Variants in PLEKHA8 observed in about 807,000 individuals in gnomAD.
PLEKHA8 encodes pleckstrin homology domain-containing family A member 8.
In PLEKHA8, 36 loss-of-function variants were observed where a neutral mutation model predicts 68.2. That is an observed-to-expected ratio of 0.53 (90% CI 0.40 to 0.70). The LOEUF is 0.70. Among genes scored for constraint, PLEKHA8 ranks in the 30% least tolerant of loss-of-function variants. The pLI, the probability that PLEKHA8 is intolerant of heterozygous loss-of-function variation, is 0.00. For synonymous variants in PLEKHA8, 211 were observed against 216.1 expected, an observed-to-expected ratio of 0.98 and a Z score of 0.20; for missense variants, 505 against 615.4, an observed-to-expected ratio of 0.82 and a Z score of 1.90.
chr7:30,029,271 C>T (rs1024375555), intron 1 of PLEKHA8, among the ~76,000 whole-genome samples: 2 of 152,206 alleles, frequency 1.3e-5, no homozygotes, highest in African/African-American at 4.8e-5. Context: ...CAAACACTTT[C>T]CCTTTGTCAC....
chr7:30,055,703 T>A (rs1039972693), intron 9 of PLEKHA8, among the ~76,000 whole-genome samples: 3 of 152,194 alleles, frequency 2.0e-5, no homozygotes, highest in African/African-American at 7.2e-5. Context: ...TCTTGCTTTG[T>A]TGCCCAGGCT....
chr7:30,084,722 A>G, downstream of PLEKHA8: 2 of 772,404 alleles, frequency 2.6e-6, no homozygotes, highest in Non-Finnish European at 3.1e-6. Flanking sequence ...CGTTTATGGA[A>G]CACACATGAC....
chr7:30,043,671 A>G (rs1791718708), intron 1 of PLEKHA8, among the ~76,000 whole-genome samples: 3 of 151,874 alleles, frequency 2.0e-5, no homozygotes, highest in African/African-American at 7.3e-5. Context: ...TACCTACCCA[A>G]CTCCTTCACA....
intron 2 of PLEKHA8, 71 bp downstream of exon 2, chr7:30,045,272 C>T (rs562072685): frequency 9.3e-7 from 1 of 1,074,282 alleles, no homozygotes; most frequent in African/African-American, 1.6e-5. Context: ...AAGCCCCTGG[C>T]CCCTGCATAC....
chr7:30,054,961 G>A, intron 8 of PLEKHA8, 96 bp downstream of exon 8: 1 of 1,228,064 alleles, frequency 8.1e-7, no homozygotes, highest in Non-Finnish European at 1.1e-6. Context: ...GCATATTCTA[G>A]GAGAATAGAG....
intron 13 of PLEKHA8, among the ~76,000 whole-genome samples, chr7:30,100,766 G>C (rs117305130): frequency 6.6e-6 from 1 of 152,094 alleles, no homozygotes; most frequent in Non-Finnish European, 1.5e-5. Context: ...ACAATAAAAG[G>C]TATACAGATT....
chr7:30,045,082 C>T lies in PLEKHA8; in HGVS notation c.41-3C>T. On this transcript the variant is annotated splice_region_variant and splice_polypyrimidine_tract_variant and intron_variant, in intron 1 of 13. Transcript: ENST00000449726. ...GCAATGATGCTCTTGCTTTTGTTTT[C>T]AGGTTGGCAGCCTCGATGGTTCCTT... The T allele has an allele frequency of 1.3e-6, 2 of 1,589,136 alleles. No individual in the cohort carries two copies. Among genetic ancestry groups the T allele is most frequent in the East Asian group, 2.3e-5 (1 of 44,420 alleles).
intron 1 of PLEKHA8, among the ~76,000 whole-genome samples, chr7:30,035,388 G>T (rs1790988329): frequency 6.6e-6 from 1 of 152,146 alleles, no homozygotes; most frequent in Non-Finnish European, 1.5e-5. Flanking sequence ...TACCAGGCAG[G>T]TTCATAGTTC....
chr7:30,109,612 A>G (rs111525302), intron 13 of PLEKHA8, among the ~76,000 whole-genome samples: 3,235 of 103,458 alleles, frequency 0.031, 51 homozygotes, highest in Middle Eastern at 0.066. Context: ...AAAAAAAAAA[A>G]AGAGAGAGAG....
chr7:30,063,170 G>A (rs772549471), intron 12 of PLEKHA8, among the ~76,000 whole-genome samples: 5 of 152,214 alleles, frequency 3.3e-5, no homozygotes, highest in South Asian at 4.1e-4. Context: ...GGTTTTCGTC[G>A]TCGTCGTGTA....
intron 13 of PLEKHA8, among the ~76,000 whole-genome samples, chr7:30,074,411 T>C (rs1377378180): frequency 1.3e-5 from 2 of 152,166 alleles, no homozygotes; most frequent in Non-Finnish European, 1.5e-5. Flanking sequence ...GTTAAAGAAA[T>C]ATGAATAAAA....
At chr7:30,120,354 C>T (rs924153298) in intron 13 of PLEKHA8, among the ~76,000 whole-genome samples, 1 of 152,094 alleles carries the variant, frequency 6.6e-6, no homozygotes, top group Non-Finnish European at 1.5e-5. Flanking sequence ...TACAAAAAAG[C>T]GGAAGTGAGG....
At position 30,108,083 on chromosome 7, in the gene PLEKHA8, A is replaced by AAAAAAAAAAAAAAC. The variant is rs780069387; in HGVS notation, c.1363-21174_1363-21173insAAAACAAAAAAAAA. On this transcript the variant is annotated intron_variant, in intron 13 of 13. Transcript: ENST00000396257. ...ACTCCATCTCAAAAAAAAAAAAAAAAAAAAAAAAACCTACATTCATTGACA... is the reference window on the plus strand; with the variant it reads ...ACTCCATCTCAAAAAAAAAAAAAAAAAAAAAAAAAAAAACAAAAAAAAACCTACATTCATTGACA... Among the ~76,000 whole-genome samples the AAAAAAAAAAAAAAC allele has an allele frequency of 9.0e-3, 1,294 of 144,140 alleles. 37 individuals carry two copies. Among genetic ancestry groups the AAAAAAAAAAAAAAC allele is most frequent in the Non-Finnish European group, 0.016 (1,009 of 64,890 alleles). The allele number at this position is 144,140 out of a possible 152,430, so 94.6% of individuals were successfully genotyped here.
In PLEKHA8 at chr7:30,028,772, G is replaced by A. The variant is rs556165908; in HGVS notation, c.10G>A (p.Val4Met). The A allele has an allele frequency of 1.6e-6, 2 of 1,271,456 alleles. No homozygotes were observed. Among genetic ancestry groups the A allele is most frequent in the South Asian group, 3.8e-5 (1 of 26,374 alleles). 78.8% of individuals were successfully genotyped at this position (1,271,456 alleles called of 1,614,324 possible). A position where few individuals can be genotyped will look rare whatever the true frequency, so the allele number is the denominator to read the frequency against. MEG[V>M]LYKWTNYLSG... ...AGTGGCCGCGGGCGCCATGGAGGGG[G>A]TGCTGTACAAGTGGACCAACTATCT... The change falls in exon 1 of 14, where the codon GTG becomes ATG. Residue 4 changes from valine (V) to methionine (M), a missense_variant. Physicochemically the swap from Val to Met is conservative, Grantham distance 21 (BLOSUM62 1). Coordinates refer to ENST00000449726, the MANE Select transcript of PLEKHA8 (RefSeq NM_001197026.2).
intron 13 of PLEKHA8, chr7:30,115,764 A>G (rs557073332): frequency 2.0e-5 from 3 of 149,058 alleles, no homozygotes; most frequent in East Asian, 4.0e-4. Context: ...ACATACATGT[A>G]TACACGTATG....
chr7:30,128,534 A>C (rs1000057151), intron 13 of PLEKHA8, among the ~76,000 whole-genome samples: 4 of 151,350 alleles, frequency 2.6e-5, no homozygotes, highest in African/African-American at 7.3e-5. Flanking sequence ...GTTTCTTTTT[A>C]TTTCTTTCTC....
rs769310433 is a variant in PLEKHA8 at position 30,061,975 on chromosome 7, G to A, written c.1177G>A (p.Asp393Asn). ...QKIVLHEVEA[D>N]VAQVRNSATE... ...GATAGTGCTGCACGAAGTGGAGGCGGATGTAGCCCAGGTTAGGAACTCAGC... is the reference window on the plus strand; with the variant it reads ...GATAGTGCTGCACGAAGTGGAGGCGAATGTAGCCCAGGTTAGGAACTCAGC... Residue 393 changes from aspartate to asparagine, a missense_variant, in exon 11 of 14, where the codon GAT (aspartate) becomes AAT (asparagine). Transcript: ENST00000449726. 1 of 1,613,984 alleles carries A rather than the reference G, an allele frequency of 6.2e-7. No individual in the cohort carries two copies. Among genetic ancestry groups the A allele is most frequent in the Admixed American group, 1.7e-5 (1 of 59,996 alleles).
chr7:30,045,691 G>A (rs921104998), intron 2 of PLEKHA8, among the ~76,000 whole-genome samples: 12 of 151,910 alleles, frequency 7.9e-5, no homozygotes, highest in African/African-American at 2.4e-4. Flanking sequence ...TTTAGGTAGT[G>A]GATGTGGGTG....
chr7:30,048,460 T>A (rs1214367262), intron 4 of PLEKHA8, among the ~76,000 whole-genome samples: 1 of 152,256 alleles, frequency 6.6e-6, no homozygotes, highest in Non-Finnish European at 1.5e-5. Context: ...AATAGACTAG[T>A]GCTTTCAAAG....
Sources: allele counts gnomAD v4.1 joint callset (sites outside exome capture counted in the v4.1 genomes callset), GRCh38; gene constraint gnomAD v4.1.1; transcripts MANE v1.5; gene names NCBI Gene and HGNC (gene_info 2026-07-23, HGNC 2026-07-21).